TAFA5: variants seen among roughly 807,000 people sequenced by gnomAD.
TAFA5 encodes the protein chemokine-like protein TAFA-5.
Under a neutral mutation model 15.3 loss-of-function variants are expected in TAFA5, and 6 were observed. The ratio of observed to expected loss-of-function variants is 0.39; its 90% CI spans 0.21 to 0.77. TAFA5 has a LOEUF of 0.77. TAFA5 is among the 30% of genes least tolerant of loss of function. The pLI, the probability that TAFA5 is intolerant of heterozygous loss-of-function variation, is 0.41. For missense variants in TAFA5, 161 were observed against 193.1 expected, an observed-to-expected ratio of 0.83 and a Z score of 0.98; for synonymous variants, 103 against 80.7, an observed-to-expected ratio of 1.28 and a Z score of -1.48.
At chr22:48,633,619 G>A (rs1342788780) in intron 1 of TAFA5, among the ~76,000 whole-genome samples, 1 of 151,410 alleles carries the variant, frequency 6.6e-6, no homozygotes, top group Non-Finnish European at 1.5e-5. Flanking sequence ...CTTTCTTGGT[G>A]CAAATTCCTC....
At chr22:48,658,624 C>T (rs1391154676) in intron 2 of TAFA5, among the ~76,000 whole-genome samples, 4 of 152,240 alleles carry the variant, frequency 2.6e-5, no homozygotes, top group Admixed American at 1.3e-4. Context: ...CTGCTGTCAC[C>T]TCCTGTTAAA....
At chr22:48,522,665 C>T (rs1921645661) in intron 1 of TAFA5, among the ~76,000 whole-genome samples, 1 of 152,240 alleles carries the variant, frequency 6.6e-6, no homozygotes, top group African/African-American at 2.4e-5. Flanking sequence ...ATTCCCTTCA[C>T]AGCCCAGGCC....
chr22:48,611,133 C>T (rs937934920), intron 1 of TAFA5, among the ~76,000 whole-genome samples: 3 of 152,168 alleles, frequency 2.0e-5, no homozygotes, highest in East Asian at 1.9e-4. Context: ...CGGGGTTTCA[C>T]CATGTTGGCC....
chr22:48,604,530 G>A (rs1465358274), intron 1 of TAFA5, among the ~76,000 whole-genome samples: 1 of 152,226 alleles, frequency 6.6e-6, no homozygotes, highest in African/African-American at 2.4e-5. Context: ...GTGCTACAGG[G>A]AGTGCTCAAG....
At chr22:48,502,401 C>T (rs551214627) in intron 1 of TAFA5, among the ~76,000 whole-genome samples, 1 of 120,530 alleles carries the variant, frequency 8.3e-6, no homozygotes, top group Admixed American at 7.4e-5. Flanking sequence ...TGCTGCATTT[C>T]TGGGGGAGCT....
At chr22:48,704,513 G>T (rs779982408) in intron 2 of TAFA5, among the ~76,000 whole-genome samples, 1 of 152,104 alleles carries the variant, frequency 6.6e-6, no homozygotes, top group Non-Finnish European at 1.5e-5. Flanking sequence ...CTCTCTCAGC[G>T]CTGTCCCTCG....
intron 1 of TAFA5, among the ~76,000 whole-genome samples, chr22:48,497,331 G>T (rs186052314): frequency 1.3e-5 from 2 of 152,196 alleles, no homozygotes; most frequent in Non-Finnish European, 2.9e-5. Context: ...GGGATGCTCC[G>T]CAGCCTCGCT....
intron 3 of TAFA5, among the ~76,000 whole-genome samples, chr22:48,739,105 C>G (rs1930109150): frequency 6.6e-6 from 1 of 152,202 alleles, no homozygotes. Context: ...TGCAGCCCAC[C>G]ACTACCCCAG....
chr22:48,579,876 A>G (rs1923968641), intron 1 of TAFA5, among the ~76,000 whole-genome samples: 2 of 152,224 alleles, frequency 1.3e-5, no homozygotes, highest in South Asian at 4.1e-4. Flanking sequence ...CCGGGAAATC[A>G]TTCGGCCCGA....
intron 1 of TAFA5, among the ~76,000 whole-genome samples, chr22:48,585,823 A>G (rs1285976842): frequency 1.3e-5 from 2 of 152,104 alleles, no homozygotes; most frequent in Non-Finnish European, 2.9e-5. Context: ...AAGCGCAGAA[A>G]CACACCCCCA....
chr22:48,559,985 C>T (rs1319298045), intron 1 of TAFA5, among the ~76,000 whole-genome samples: 1 of 152,134 alleles, frequency 6.6e-6, no homozygotes, highest in Admixed American at 6.5e-5. Flanking sequence ...GGGTCCAGAC[C>T]CCCGTGGGTG....
At chr22:48,512,047 C>T (rs572671099) in intron 1 of TAFA5, among the ~76,000 whole-genome samples, 4 of 152,126 alleles carry the variant, frequency 2.6e-5, no homozygotes, top group Non-Finnish European at 5.9e-5. Context: ...ACGGTTCAGG[C>T]GGGGATTTGG....
chr22:48,553,074 G>A (rs1015530672), intron 1 of TAFA5, among the ~76,000 whole-genome samples: 2 of 152,036 alleles, frequency 1.3e-5, no homozygotes, highest in East Asian at 1.9e-4. Flanking sequence ...CACCCAGCAC[G>A]GGCTCAGCTC....
chr22:48,492,712 G>A (rs964310440), intron 1 of TAFA5, among the ~76,000 whole-genome samples: 4 of 152,196 alleles, frequency 2.6e-5, no homozygotes, highest in African/African-American at 9.7e-5. Context: ...CATGCTCGGT[G>A]GTCTGCGACC....
intron 1 of TAFA5, among the ~76,000 whole-genome samples, chr22:48,507,154 T>G (rs1412762640): frequency 7.1e-6 from 1 of 140,336 alleles, no homozygotes; most frequent in Admixed American, 7.1e-5. Flanking sequence ...GAGAAGGAGG[T>G]GGCCGCAAAG....
intron 3 of TAFA5, among the ~76,000 whole-genome samples, chr22:48,716,608 C>T (rs1196462613): frequency 6.6e-6 from 1 of 152,154 alleles, no homozygotes; most frequent in Non-Finnish European, 1.5e-5. Context: ...ATAGGTGCAG[C>T]AAACCACCGT....
intron 2 of TAFA5, among the ~76,000 whole-genome samples, chr22:48,695,812 C>T (rs993385423): frequency 1.3e-5 from 2 of 152,166 alleles, no homozygotes; most frequent in East Asian, 1.9e-4. Context: ...TAGGCGGGCC[C>T]TCTGGCGTCA....
chr22:48,512,009 C>T (rs965260976), intron 1 of TAFA5, among the ~76,000 whole-genome samples: 3 of 152,210 alleles, frequency 2.0e-5, no homozygotes, highest in African/African-American at 7.2e-5. Context: ...CACAGAGCTG[C>T]AGGGAGGGCC....
chr22:48,577,285 C>T (rs1340059588), intron 1 of TAFA5, among the ~76,000 whole-genome samples: 2 of 152,210 alleles, frequency 1.3e-5, no homozygotes, highest in Admixed American at 6.5e-5. Flanking sequence ...CAGGGCCACA[C>T]CTCCCCTGAT....
Sources: allele counts gnomAD v4.1 joint callset (sites outside exome capture counted in the v4.1 genomes callset), GRCh38; gene constraint gnomAD v4.1.1; transcripts MANE v1.5; gene names NCBI Gene and HGNC (gene_info 2026-07-23, HGNC 2026-07-21).